The following FRMPD4 variants were observed in gnomAD, a reference collection of about 807,000 sequenced individuals.
The protein encoded by FRMPD4 is FERM and PDZ domain-containing protein 4.
FRMPD4 carries 22 observed loss-of-function variants against 94.1 expected under a neutral mutation model. That is an observed-to-expected ratio of 0.23 (90% confidence interval 0.17 to 0.33). The LOEUF (loss-of-function observed/expected upper bound fraction) is 0.33, where lower values mean the gene tolerates loss of function less well. Among genes scored for constraint, FRMPD4 ranks in the 10% least tolerant of loss-of-function variants. The pLI, the probability that FRMPD4 is intolerant of heterozygous loss-of-function variation, is 1.00. For missense variants in FRMPD4, 1,111 were observed against 1,339.9 expected (o/e 0.83, Z 2.67); for synonymous variants, 631 against 548.6 (o/e 1.15, Z -2.10).
At chrX:12,375,674 A>G (rs774775640) in intron 1 of FRMPD4, among the ~76,000 whole-genome samples, 1 of 112,517 alleles carries the variant, frequency 8.9e-6, no homozygotes, top group African/African-American at 3.2e-5. Flanking sequence ...TATGCCTAAA[A>G]GTCTCTTGCG....
At chrX:12,105,802 G>A (rs1040282143) in intron 3 of FRMPD4, among the ~76,000 whole-genome samples, 1 of 111,722 alleles carries the variant, frequency 9.0e-6, no homozygotes, top group African/African-American at 3.3e-5. Context: ...AGGTGATGAC[G>A]GTACTATAGA....
chrX:12,381,282 A>G (rs891831281), intron 1 of FRMPD4, among the ~76,000 whole-genome samples: 2 of 112,215 alleles, frequency 1.8e-5, no homozygotes, highest in Non-Finnish European at 3.8e-5. Flanking sequence ...GACTTGAAAA[A>G]TATTTGAACC....
intron 3 of FRMPD4, among the ~76,000 whole-genome samples, chrX:12,036,490 A>G (rs2054721351): frequency 8.9e-6 from 1 of 112,354 alleles, no homozygotes; most frequent in Non-Finnish European, 1.9e-5. Flanking sequence ...AAGTGAGAAC[A>G]TTTTGACATT....
At chrX:11,948,448 G>A (rs754663932) in intron 3 of FRMPD4, among the ~76,000 whole-genome samples, 1 of 111,625 alleles carries the variant, frequency 9.0e-6, no homozygotes, top group Non-Finnish European at 1.9e-5. Flanking sequence ...CCCTGATCTT[G>A]GAATTTCAGC....
At chrX:12,111,944 T>C (rs866218388) in intron 3 of FRMPD4, among the ~76,000 whole-genome samples, 21 of 110,045 alleles carry the variant, frequency 1.9e-4, no homozygotes, top group Middle Eastern at 4.6e-3. Flanking sequence ...TGTGGAGAAA[T>C]AGGAACACTT....
At chrX:12,172,408 A>G (rs1733157221) in intron 1 of FRMPD4, among the ~76,000 whole-genome samples, 1 of 111,559 alleles carries the variant, frequency 9.0e-6, no homozygotes, top group South Asian at 3.7e-4. Context: ...TGAAGTTCAG[A>G]TCTCAAGTCC....
rs914145702 is a variant in FRMPD4, at chrX:12,724,514, G to A, written c.*2656G>A. 2.7e-5 allele frequency: 3 copies of A among 111,923 alleles called. No individual in the cohort carries two copies. Among genetic ancestry groups the A allele is most frequent in the Non-Finnish European group, 5.6e-5 (3 of 53,127 alleles). 9.2% of individuals were successfully genotyped at this position (111,923 alleles called of 1,213,427 possible). ...ATTTTAAATAAATAAATGAATGAAT[G>A]AATAAATAAGCATATGCCTGGTGCA... On this transcript the variant is annotated 3_prime_UTR_variant, in exon 17 of 17. Transcript: ENST00000675598.
At chrX:12,088,086 C>G (rs1343444984) in intron 3 of FRMPD4, among the ~76,000 whole-genome samples, 3 of 112,295 alleles carry the variant, frequency 2.7e-5, no homozygotes, top group Non-Finnish European at 5.6e-5. Context: ...GGGTCCTGGG[C>G]TCACGTTCCC....
chrX:12,710,061 G>A (rs924083507), intron 13 of FRMPD4, among the ~76,000 whole-genome samples: 2 of 111,592 alleles, frequency 1.8e-5, no homozygotes, highest in African/African-American at 6.5e-5. Flanking sequence ...CCAGGAGGTG[G>A]AGGTTGCAGT....
chrX:12,146,856 A>T (rs960332283), intron 1 of FRMPD4, among the ~76,000 whole-genome samples: 6 of 112,338 alleles, frequency 5.3e-5, no homozygotes, highest in African/African-American at 1.9e-4. Context: ...CATTCTGAGA[A>T]CCTGTAAGAT....
intron 4 of FRMPD4, among the ~76,000 whole-genome samples, chrX:12,672,560 CA>C (rs760363872): frequency 1.3e-4 from 14 of 111,576 alleles, no homozygotes; most frequent in African/African-American, 4.2e-4. Context: ...AGATATGAGT[CA>C]GATCCCAAGA....
intron 1 of FRMPD4, among the ~76,000 whole-genome samples, chrX:12,430,938 A>G (rs908548576): frequency 3.4e-4 from 38 of 112,773 alleles, no homozygotes; most frequent in Middle Eastern, 9.2e-3. Context: ...CAAAATTCCA[A>G]TAACATTCAG....
chrX:12,693,062 T>C (rs1452355989), intron 8 of FRMPD4, among the ~76,000 whole-genome samples: 1 of 112,436 alleles, frequency 8.9e-6, no homozygotes, highest in African/African-American at 3.2e-5. Context: ...AGGGTGTCTT[T>C]TTCCATTGGA....
At chrX:12,163,366 T>C (rs1484817509) in intron 1 of FRMPD4, among the ~76,000 whole-genome samples, 1 of 105,398 alleles carries the variant, frequency 9.5e-6, no homozygotes, top group Non-Finnish European at 1.9e-5. Flanking sequence ...TTTCTTTGTT[T>C]GTTTTTATTT....
chrX:12,327,532 C>G lies in FRMPD4; in HGVS notation c.42-171148C>G, dbSNP rs145723792. On this transcript the variant is annotated intron_variant, in intron 1 of 16. Coordinates refer to ENST00000675598, the MANE Select transcript of FRMPD4 (RefSeq NM_001368397.1). The stretch of plus-strand genomic sequence containing the variant: ...TCTGATCAAACCTAATTCATTTACT[C>G]TTGTAAAAAGAGTCACTTTATATTA... Among the ~76,000 whole-genome samples, 332 of 112,140 alleles carry G rather than the reference C, an allele frequency of 3.0e-3. 1 individual carries two copies. Among genetic ancestry groups the G allele is most frequent in the African/African-American group, 0.01 (317 of 30,873 alleles).
At chrX:12,043,593 T>C (rs191185846) in intron 3 of FRMPD4, among the ~76,000 whole-genome samples, 10 of 111,606 alleles carry the variant, frequency 9.0e-5, no homozygotes, top group Non-Finnish European at 1.5e-4. Context: ...CTGTAGATTA[T>C]TGGGGCCTTT....
At chrX:12,436,154 C>T (rs1453840120) in intron 1 of FRMPD4, among the ~76,000 whole-genome samples, 2 of 110,389 alleles carry the variant, frequency 1.8e-5, no homozygotes, top group African/African-American at 6.6e-5. Context: ...TACAGGAGCC[C>T]GCCATCACAT....
chrX:12,561,029 A>G (rs989301910), intron 2 of FRMPD4, among the ~76,000 whole-genome samples: 3 of 109,246 alleles, frequency 2.7e-5, no homozygotes, highest in Non-Finnish European at 5.7e-5. Flanking sequence ...TCGGCCTCCC[A>G]AAGTGCTGGG....
chrX:12,647,715 G>T (rs2059561041), intron 4 of FRMPD4, among the ~76,000 whole-genome samples: 1 of 111,929 alleles, frequency 8.9e-6, no homozygotes, highest in Admixed American at 9.5e-5. Flanking sequence ...TGACCACGTT[G>T]AAAGGAGGCT....
Sources: allele counts gnomAD v4.1 joint callset (sites outside exome capture counted in the v4.1 genomes callset), GRCh38; gene constraint gnomAD v4.1.1; transcripts MANE v1.5; gene names NCBI Gene and HGNC (gene_info 2026-07-23, HGNC 2026-07-21).